Variants in ANGPTL1 observed in about 807,000 individuals in gnomAD.
ANGPTL1 encodes angiopoietin-related protein 1.
Under a neutral mutation model 46.7 loss-of-function variants are expected in ANGPTL1, and 36 were observed. The observed-to-expected ratio is 0.77, with a 90% CI of 0.59 to 1.02. ANGPTL1 has a LOEUF of 1.02. ANGPTL1 is among the 50% of genes least tolerant of loss of function. The pLI is 0.00. For synonymous variants in ANGPTL1, 221 were observed against 204.3 expected, an observed-to-expected ratio of 1.08 and a Z score of -0.69; for missense variants, 571 against 594.7, an observed-to-expected ratio of 0.96 and a Z score of 0.41.
intron 3 of ANGPTL1, among the ~76,000 whole-genome samples, chr1:178,859,347 G>A (rs140342823): frequency 1.1e-3 from 162 of 150,788 alleles, no homozygotes; most frequent in African/African-American, 3.6e-3. Flanking sequence ...TTTAAAATAA[G>A]CCTACCACTA....
intron 3 of ANGPTL1, among the ~76,000 whole-genome samples, chr1:178,864,175 G>A (rs937581637): frequency 6.6e-6 from 1 of 152,058 alleles, no homozygotes; most frequent in African/African-American, 2.4e-5. Context: ...ATTCATCTTT[G>A]CTTTCTGGAC....
intron 5 of ANGPTL1, among the ~76,000 whole-genome samples, chr1:178,852,304 A>G (rs1024053431): frequency 1.3e-5 from 2 of 152,168 alleles, no homozygotes; most frequent in Non-Finnish European, 2.9e-5. Context: ...TCTCTCCTCC[A>G]GTGAGTAAGC....
At position 178,865,516 on chromosome 1, in the gene ANGPTL1, G is replaced by T; in HGVS notation, c.261C>A (p.Asn87Lys). 6.2e-7 allele frequency: 1 copy of T among 1,614,040 alleles called. No individual in the cohort carries two copies. The highest frequency in any genetic ancestry group is 8.5e-7 in the Non-Finnish European group (1 of 1,179,984). The change falls in exon 3 of 6, where the codon AAC becomes AAA. Residue 87 changes from asparagine (N) to lysine (K), a missense_variant. Transcript: ENST00000234816. ...KDMITRMDLE[N>K]LKDVLSRQKR... ...TCTGCCTGGAGAGCACATCCTTCAG[G>T]TTTTCAAGGTCCATCCTGGTGATCA... is the stretch of plus-strand genomic sequence containing the variant.
chr1:178,869,518 G>A (rs1330143884), intron 1 of ANGPTL1, among the ~76,000 whole-genome samples: 6 of 152,128 alleles, frequency 3.9e-5, no homozygotes, highest in East Asian at 1.9e-4. Flanking sequence ...TAAGAACTGA[G>A]GCTTAATGAA....
chr1:178,850,691 C>T lies in ANGPTL1; in HGVS notation c.*438G>A, dbSNP rs2102289399. On this transcript the variant is annotated 3_prime_UTR_variant, in exon 6 of 6. Coordinates refer to ENST00000234816, the MANE Select transcript of ANGPTL1 (RefSeq NM_004673.4). ...TATTGGCAAAACTAGAGGTTTCTCC[C>T]TAATTTTCTGTCTGTATTTTTATAA... 6.6e-6 allele frequency: 1 copy of T among 152,474 alleles called. No individual in the cohort carries two copies. 9.4% of individuals were successfully genotyped at this position (152,474 alleles called of 1,614,324 possible). A position where few individuals can be genotyped will look rare whatever the true frequency, so the allele number is the denominator to read the frequency against.
At chr1:178,856,194 G>GATATATATAT (rs776840814) in intron 3 of ANGPTL1, among the ~76,000 whole-genome samples, 12 of 99,176 alleles carry the variant, frequency 1.2e-4, no homozygotes, top group African/African-American at 2.7e-4. Context: ...CTTTTCCAGA[G>GATATATATAT]AGAGAGAGAT....
rs1658294536 is a variant in ANGPTL1, at chr1:178,865,064, T to G, written c.713A>C (p.Glu238Ala). 6.6e-7 allele frequency: 1 copy of G among 1,515,272 alleles called. No homozygotes were observed. The highest frequency in any genetic ancestry group is 1.4e-5 in the African/African-American group (1 of 71,726). 93.9% of individuals were successfully genotyped at this position (1,515,272 alleles called of 1,614,324 possible). A position where few individuals can be genotyped will look rare whatever the true frequency, so the allele number is the denominator to read the frequency against. ...QYTPGLLGGNEIQRDPGYPRD... is the reference protein window; with the variant it reads ...QYTPGLLGGNAIQRDPGYPRD... ...GGGATAACCTGGATCCCTCTGAATC[T>G]CGTTACCTCCCAGCAGACCAGGAGT... is the stretch of plus-strand genomic sequence containing the variant. The change falls in exon 3 of 6, where the codon GAG (glutamate) becomes GCG (alanine). Residue 238 changes from glutamate to alanine, a missense_variant. Physicochemically the swap from Glu to Ala is moderately radical, Grantham distance 107. Transcript: ENST00000234816.
chr1:178,860,284 TCAAA>T (rs1206635928), intron 3 of ANGPTL1, among the ~76,000 whole-genome samples: 5 of 152,028 alleles, frequency 3.3e-5, no homozygotes, highest in Admixed American at 6.6e-5. Context: ...TATTACATTC[TCAAA>T]CATTTTGTTT....
chr1:178,855,893 TTTTC>T, intron 3 of ANGPTL1, among the ~76,000 whole-genome samples: 1 of 150,734 alleles, frequency 6.6e-6, no homozygotes, highest in East Asian at 1.9e-4. Flanking sequence ...ATGATAGGGT[TTTTC>T]TTTTTGTTGT....
In ANGPTL1 at chr1:178,867,926, A is replaced by G. The variant is rs958286470; in HGVS notation, c.-27+1188T>C. 2.0e-5 allele frequency among the ~76,000 whole-genome samples: 3 copies of G among 152,014 alleles called. No homozygotes were observed. In the East Asian group the frequency reaches 5.8e-4, roughly 29 times the overall value. On this transcript the variant is annotated intron_variant, in intron 2 of 5. Coordinates refer to ENST00000234816, the MANE Select transcript of ANGPTL1 (RefSeq NM_004673.4). ...CATGTTCCTTTTTTGGTATTTTTCAATTGAATAGTGTCTTCAAAATGGGTA... is the reference window on the plus strand; with the variant it reads ...CATGTTCCTTTTTTGGTATTTTTCAGTTGAATAGTGTCTTCAAAATGGGTA...
In ANGPTL1 at chr1:178,853,748, T is replaced by C. The variant is rs150033927; in HGVS notation, c.863A>G (p.His288Arg). ...AATCATATAAATCCCACTGACCGAATGCCCAGCTTCTTTTGCTTGCTGACA... is the reference window on the plus strand; with the variant it reads ...AATCATATAAATCCCACTGACCGAACGCCCAGCTTCTTTTGCTTGCTGACA... ...KDCQQAKEAG[H>R]SVSGIYMIKP... is the part of the protein sequence containing the mutation. The change falls in exon 4 of 6, where the codon CAT becomes CGT. Residue 288 changes from histidine (H) to arginine (R), a missense_variant. Coordinates refer to ENST00000234816, the MANE Select transcript of ANGPTL1 (RefSeq NM_004673.4). The C allele has an allele frequency of 1.2e-4, 200 of 1,603,262 alleles. 2 individuals carry two copies. The East Asian group carries it at 4.5e-3, about 36-fold the overall frequency.
chr1:178,857,601 A>G (rs1275768541), intron 3 of ANGPTL1, among the ~76,000 whole-genome samples: 1 of 152,208 alleles, frequency 6.6e-6, no homozygotes, highest in Non-Finnish European at 1.5e-5. Flanking sequence ...GTTAATGCAC[A>G]CATGAAAGTA....
chr1:178,852,801 A>C lies in ANGPTL1; in HGVS notation c.1170T>G (p.Pro390=). The change falls in exon 5 of 6, where the codon CCT becomes CCG. Residue 390 remains proline (P), a synonymous_variant. Coordinates refer to ENST00000234816, the MANE Select transcript of ANGPTL1 (RefSeq NM_004673.4). ...GGCGCAGTCTATAGAATTCACTTTCAGGTTCCAGACGAAAGCTGCTGTATT... is the reference window on the plus strand; with the variant it reads ...GGCGCAGTCTATAGAATTCACTTTCCGGTTCCAGACGAAAGCTGCTGTATT... ...YAEYSSFRLE[P]ESEFYRLRLG... is the part of the protein sequence containing the mutation. 1.9e-6 allele frequency: 3 copies of C among 1,613,934 alleles called. No homozygotes were observed. The highest frequency in any genetic ancestry group is 2.5e-6 in the Non-Finnish European group (3 of 1,179,876).
intron 4 of ANGPTL1, 136 bp downstream of exon 4, chr1:178,853,458 C>T: frequency 1.3e-6 from 1 of 783,042 alleles, no homozygotes; most frequent in Non-Finnish European, 1.8e-6. Flanking sequence ...ATTTTTTTGA[C>T]AGATGTAGAT....
intron 3 of ANGPTL1, among the ~76,000 whole-genome samples, chr1:178,858,169 A>G (rs780233981): frequency 1.7e-4 from 26 of 152,108 alleles, no homozygotes; most frequent in Non-Finnish European, 3.8e-4. Flanking sequence ...TCAGAATTCA[A>G]TATTTATTTG....
intron 3 of ANGPTL1, among the ~76,000 whole-genome samples, chr1:178,858,624 A>G (rs910735805): frequency 1.9e-4 from 29 of 152,178 alleles, no homozygotes; most frequent in African/African-American, 6.3e-4. Context: ...CTGTTCCTCA[A>G]TTTATGTGAG....
At chr1:178,851,462 T>C in intron 5 of ANGPTL1, 146 bp from the exon 6 acceptor site, 1 of 659,812 alleles carries the variant, frequency 1.5e-6, no homozygotes, top group Non-Finnish European at 2.3e-6. Context: ...ATGCCTTCAC[T>C]TACTTGATGG....
At position 178,865,692 on chromosome 1, in the gene ANGPTL1, T is replaced by A. The variant is rs1165757548; in HGVS notation, c.85A>T (p.Lys29Ter). The A allele has an allele frequency of 1.2e-6, 2 of 1,613,954 alleles. No individual in the cohort carries two copies. Among genetic ancestry groups the A allele is most frequent in the Non-Finnish European group, 1.7e-6 (2 of 1,179,974 alleles). Residue 29 changes from lysine to a stop codon, truncating the protein, a stop_gained, in exon 3 of 6, where the codon AAA becomes TAA. Coordinates refer to ENST00000234816, the MANE Select transcript of ANGPTL1 (RefSeq NM_004673.4). LOFTEE classifies it high-confidence loss of function. Reference protein sequence around the residue: ...GHCRGGQFKIKKINQRRYPRA... With the variant: ...GHCRGGQFKI ...GGGTATCTTCTCTGGTTTATTTTTT[T>A]AATTTTGAATTGTCCACCTCTGCAA...
intron 5 of ANGPTL1, among the ~76,000 whole-genome samples, chr1:178,852,461 G>GT (rs376103957): frequency 4.6e-5 from 7 of 152,122 alleles, no homozygotes; most frequent in Non-Finnish European, 1.0e-4. Flanking sequence ...TTTGCTTTGT[G>GT]TTTTTTTCCC....
Sources: gnomAD v4.1 joint callset for allele counts (sites outside exome capture counted in the v4.1 genomes callset) on GRCh38, gnomAD v4.1.1 for gene constraint, MANE v1.5 for transcripts, NCBI Gene and HGNC (gene_info 2026-07-23, HGNC 2026-07-21) for gene names.